Variants in BEND4 observed in about 807,000 individuals in gnomAD.
BEND4 encodes BEN domain containing 4.
BEND4 carries 27 observed loss-of-function variants against 54.7 expected under a neutral mutation model. That is an observed-to-expected ratio of 0.49 (90% CI 0.36 to 0.68). The LOEUF (loss-of-function observed/expected upper bound fraction) is 0.68, where lower values mean the gene tolerates loss of function less well. Ranked by LOEUF, BEND4 falls within the 30% of genes least tolerant of loss-of-function variation. BEND4 has a pLI of 0.00. For missense variants in BEND4, 702 were observed against 697.2 expected (o/e 1.01, Z -0.08); for synonymous variants, 327 against 299.5 (o/e 1.09, Z -0.95).
chr4:42,149,385 T>A (rs1721184415), intron 2 of BEND4, among the ~76,000 whole-genome samples: 1 of 152,200 alleles, frequency 6.6e-6, no homozygotes, highest in South Asian at 2.1e-4. Context: ...TGACCACAAT[T>A]CATGATGTCT....
Position 42,143,559 on chromosome 4 carries a change from G to A in BEND4, c.923C>T (p.Ser308Phe). 6.4e-7 allele frequency: 1 copy of A among 1,563,564 alleles called. No individual in the cohort carries two copies. The highest frequency in any genetic ancestry group is 8.7e-7 in the Non-Finnish European group (1 of 1,153,714). The change falls in exon 3 of 6, where the codon TCT (serine) becomes TTT (phenylalanine). Residue 308 changes from serine (S) to phenylalanine (F), a missense_variant. Transcript: ENST00000502486. ...CTCCTCCTCCTCTTCTGGCAGTGTA[G>A]ATGAAGATGGGTGGCCATGGGATTC... The part of the protein sequence containing the change: ...TSESHGHPSS[S>F]TLPEEEEEED...
At chr4:42,119,846 T>C (rs1719990551) in intron 5 of BEND4, 1 of 579,820 alleles carries the variant, frequency 1.7e-6, no homozygotes, top group Non-Finnish European at 3.1e-6. Flanking sequence ...GATGCTTATG[T>C]ACCACTAAGA....
chr4:42,134,317 T>A (rs1253388356), intron 3 of BEND4, among the ~76,000 whole-genome samples: 2 of 152,228 alleles, frequency 1.3e-5, no homozygotes, highest in African/African-American at 4.8e-5. Context: ...AATTATTTAC[T>A]GTCCTCTGAT....
chr4:42,112,742 T>A lies in BEND4; in HGVS notation c.*4776A>T, dbSNP rs1192355359. ...AAGTGGTCTCTAATGTGTACACAGA[T>A]CAGTTAAACTTTTACATTTTACATT... On this transcript the variant is annotated 3_prime_UTR_variant, in exon 6 of 6. Coordinates refer to ENST00000502486, the MANE Select transcript of BEND4 (RefSeq NM_207406.4). The A allele has an allele frequency of 6.6e-6, 1 of 152,172 alleles. No homozygotes were observed. Among genetic ancestry groups the A allele is most frequent in the African/African-American group, 2.4e-5 (1 of 41,432 alleles). The allele number at this position is 152,172 out of a possible 1,614,324, so 9.4% of individuals were successfully genotyped here. A position where few individuals can be genotyped will look rare whatever the true frequency, so the allele number is the denominator to read the frequency against.
Position 42,151,844 on chromosome 4 carries a change from C to G in BEND4, c.300G>C (p.Ser100=), listed in dbSNP as rs1389748604. 3.0e-6 allele frequency: 4 copies of G among 1,336,968 alleles called. No homozygotes were observed. Among genetic ancestry groups the G allele is most frequent in the Non-Finnish European group, 3.8e-6 (4 of 1,053,722 alleles). The allele number at this position is 1,336,968 out of a possible 1,614,324, so 82.8% of individuals were successfully genotyped here. Residue 100 remains serine (S), a synonymous_variant, in exon 2 of 6, where the codon TCG becomes TCC. Coordinates refer to ENST00000502486, the MANE Select transcript of BEND4 (RefSeq NM_207406.4). ...ATGTGGCGGGCGTGCAGGACGGCGACGACGACGAAGCGGCGGCGGCGGCCC... is the reference window on the plus strand; with the variant it reads ...ATGTGGCGGGCGTGCAGGACGGCGAGGACGACGAAGCGGCGGCGGCGGCCC... The part of the protein sequence containing the change: ...PGRAAAAASS[S]SPSCTPATSQ...
At chr4:42,147,668 G>A (rs1721123472) in intron 2 of BEND4, among the ~76,000 whole-genome samples, 1 of 151,854 alleles carries the variant, frequency 6.6e-6, no homozygotes, top group Non-Finnish European at 1.5e-5. Flanking sequence ...AATTTATTTT[G>A]CTTTATTGTG....
In BEND4 at chr4:42,151,943, G is replaced by T. The variant is rs553934173; in HGVS notation, c.201C>A (p.Ala67=). The change falls in exon 2 of 6, where the codon GCC becomes GCA. Residue 67 remains alanine, a synonymous_variant. Coordinates refer to ENST00000502486, the MANE Select transcript of BEND4 (RefSeq NM_207406.4). ...GCGGCTCGCTGCTGCTGATGGAGAC[G>T]GCGGCGTGCGGCGCGAAGGGCGGCG... ...PPPPPFAPHA[A]VSISSSEPPP... 977 of 1,248,976 alleles carry T rather than the reference G, an allele frequency of 7.8e-4. No homozygotes were observed. The highest frequency in any genetic ancestry group is 1.3e-3 in the Admixed American group (31 of 23,516). The allele number at this position is 1,248,976 out of a possible 1,614,324, so 77.4% of individuals were successfully genotyped here. A position where few individuals can be genotyped will look rare whatever the true frequency, so the allele number is the denominator to read the frequency against.
At chr4:42,138,589 G>C (rs1009803470) in intron 3 of BEND4, among the ~76,000 whole-genome samples, 7 of 152,194 alleles carry the variant, frequency 4.6e-5, no homozygotes, top group Non-Finnish European at 1.0e-4. Context: ...CTTGCTACAA[G>C]AACAACAACA....
At chr4:42,141,128 G>A (rs1720864349) in intron 3 of BEND4, among the ~76,000 whole-genome samples, 1 of 152,158 alleles carries the variant, frequency 6.6e-6, no homozygotes, top group African/African-American at 2.4e-5. Context: ...CTGTCTTGCA[G>A]TCGGTGCCTG....
rs761912401 is a variant in BEND4, at chr4:42,120,258, T to C, written c.1183A>G (p.Ile395Val). 12 of 1,612,946 alleles carry C rather than the reference T, an allele frequency of 7.4e-6. No homozygotes were observed. Among genetic ancestry groups the C allele is most frequent in the South Asian group, 2.2e-5 (2 of 91,064 alleles). The change falls in exon 5 of 6, where the codon ATA becomes GTA. Residue 395 changes from isoleucine to valine, a missense_variant. Coordinates refer to ENST00000502486, the MANE Select transcript of BEND4 (RefSeq NM_207406.4). ...GCCTCATCCCACTGTTTGCTCGTTA[T>C]GTAGACAGGATAGTTGTTCAACAGC... ...KQLLNNYPVY[I>V]TSKQWDEAVN...
chr4:42,127,702 C>T (rs1217733724), intron 3 of BEND4, among the ~76,000 whole-genome samples: 1 of 152,186 alleles, frequency 6.6e-6, no homozygotes, highest in South Asian at 2.1e-4. Context: ...CTGTTCTTCA[C>T]AGTTTATGGT....
Position 42,143,953 on chromosome 4 carries a change from G to A in BEND4, c.529C>T (p.Arg177Ter). 1 of 1,552,356 alleles carries A rather than the reference G, an allele frequency of 6.4e-7. No individual in the cohort carries two copies. The highest frequency in any genetic ancestry group is 1.3e-5 in the South Asian group (1 of 77,740). Residue 177 changes from arginine to a stop codon, truncating the protein, a stop_gained, in exon 3 of 6, where the codon CGA becomes TGA. Coordinates refer to ENST00000502486, the MANE Select transcript of BEND4 (RefSeq NM_207406.4). LOFTEE classifies it high-confidence loss of function. ...ILDAFAQQCS[R>*]VLSLLNCGGK... ...CCACAATTTAAGAGGCTAAGAACTC[G>A]ACTGCACTGCTGGGCAAAGGCATCC...
chr4:42,136,561 T>C (rs1344782730), intron 3 of BEND4, among the ~76,000 whole-genome samples: 3 of 152,272 alleles, frequency 2.0e-5, no homozygotes, highest in Non-Finnish European at 4.4e-5. Flanking sequence ...AATCCTGACA[T>C]GCATACATTC....
In BEND4 at chr4:42,143,900, A is replaced by T; in HGVS notation, c.582T>A (p.Ser194=). 1.3e-6 allele frequency: 2 copies of T among 1,541,728 alleles called. No individual in the cohort carries two copies. Among genetic ancestry groups the T allele is most frequent in the Non-Finnish European group, 1.7e-6 (2 of 1,147,690 alleles). The change falls in exon 3 of 6, where the codon TCT becomes TCA. Residue 194 remains serine (S), a synonymous_variant. Coordinates refer to ENST00000502486, the MANE Select transcript of BEND4 (RefSeq NM_207406.4). The part of the protein sequence containing the change: ...CGGKLLDSNH[S]QSMISCVKQE... ...GCTTTACGCAAGAAATCATGGACTG[A>T]GAATGGTTGGAGTCCAGGAGTTTTC...
intron 3 of BEND4, among the ~76,000 whole-genome samples, chr4:42,136,431 C>A (rs1382765424): frequency 2.0e-5 from 3 of 152,178 alleles, no homozygotes; most frequent in African/African-American, 7.2e-5. Context: ...ACAGTGGGTC[C>A]TCATCATTCA....
chr4:42,126,162 T>G (rs934489707), intron 3 of BEND4, among the ~76,000 whole-genome samples: 3 of 152,220 alleles, frequency 2.0e-5, no homozygotes, highest in Non-Finnish European at 4.4e-5. Flanking sequence ...ATGCTATAGT[T>G]TGGAAAGAAT....
chr4:42,118,867 A>C (rs1719949677), intron 5 of BEND4, among the ~76,000 whole-genome samples: 1 of 152,198 alleles, frequency 6.6e-6, no homozygotes, highest in African/African-American at 2.4e-5. Flanking sequence ...TCTGCCACTT[A>C]GTCACTCTGA....
intron 3 of BEND4, among the ~76,000 whole-genome samples, chr4:42,141,601 C>T (rs1560582614): frequency 6.6e-6 from 1 of 152,006 alleles, no homozygotes; most frequent in Non-Finnish European, 1.5e-5. Flanking sequence ...ATTAGCCAGG[C>T]GTGGTGGTGC....
chr4:42,149,169 C>T (rs1377236710), intron 2 of BEND4, among the ~76,000 whole-genome samples: 1 of 152,144 alleles, frequency 6.6e-6, no homozygotes, highest in East Asian at 1.9e-4. Flanking sequence ...TGCGAGGGTG[C>T]AACAGGCAAA....
Sources: gnomAD v4.1 joint callset for allele counts (sites outside exome capture counted in the v4.1 genomes callset) on GRCh38, gnomAD v4.1.1 for gene constraint, MANE v1.5 for transcripts, NCBI Gene and HGNC (gene_info 2026-07-23, HGNC 2026-07-21) for gene names.